The following LPAR1 variants were observed in gnomAD, a reference collection of about 807,000 sequenced individuals.
LPAR1 encodes the protein lysophosphatidic acid receptor 1, also known as LPA receptor 1.
LPAR1 carries 5 observed loss-of-function variants against 23.8 expected under a neutral mutation model. The observed-to-expected ratio is 0.21, with a 90% CI of 0.11 to 0.44. The LOEUF (loss-of-function observed/expected upper bound fraction) is 0.44, where lower values mean the gene tolerates loss of function less well. Among genes scored for constraint, LPAR1 ranks in the 20% least tolerant of loss-of-function variants. LPAR1 has a pLI of 0.99. For synonymous variants in LPAR1, 160 were observed against 164.7 expected (o/e 0.97, Z 0.22); for missense variants, 311 against 482.8 (o/e 0.64, Z 3.33).
At chr9:110,974,555 T>C (rs1321320805) in intron 2 of LPAR1, among the ~76,000 whole-genome samples, 2 of 152,218 alleles carry the variant, frequency 1.3e-5, no homozygotes, top group African/African-American at 4.8e-5. Context: ...TCAATCACTT[T>C]AGGTTCTGGC....
At chr9:110,883,562 AT>A (rs1217732086) in intron 5 of LPAR1, among the ~76,000 whole-genome samples, 3 of 152,098 alleles carry the variant, frequency 2.0e-5, no homozygotes, top group Admixed American at 2.0e-4. Flanking sequence ...AATGTCAAGA[AT>A]AAGCCCAAAC....
chr9:111,022,917 G>A (rs1046517545), intron 2 of LPAR1, among the ~76,000 whole-genome samples: 3 of 152,024 alleles, frequency 2.0e-5, no homozygotes, highest in African/African-American at 7.2e-5. Flanking sequence ...GCCGGGCATG[G>A]TGGCGGGTGC....
intron 5 of LPAR1, among the ~76,000 whole-genome samples, chr9:110,907,608 A>G (rs556563359): frequency 1.2e-4 from 18 of 152,242 alleles, no homozygotes; most frequent in African/African-American, 4.3e-4. Flanking sequence ...TGACATTCAC[A>G]TGTCTGGACA....
chr9:110,931,921 G>A (rs528564563), intron 5 of LPAR1, among the ~76,000 whole-genome samples: 1 of 152,260 alleles, frequency 6.6e-6, no homozygotes, highest in South Asian at 2.1e-4. Context: ...TTTGGTTACT[G>A]TAGCCTTGTA....
intron 2 of LPAR1, among the ~76,000 whole-genome samples, chr9:110,995,641 G>A (rs1219663199): frequency 6.6e-6 from 1 of 152,136 alleles, no homozygotes; most frequent in Admixed American, 6.5e-5. Flanking sequence ...AGTCACATAC[G>A]TGATTTTACC....
At chr9:110,919,686 T>C (rs1480296977) in intron 5 of LPAR1, among the ~76,000 whole-genome samples, 1 of 152,210 alleles carries the variant, frequency 6.6e-6, no homozygotes, top group Non-Finnish European at 1.5e-5. Flanking sequence ...ATGTTCCAGA[T>C]ACTTAAACTA....
intron 5 of LPAR1, among the ~76,000 whole-genome samples, chr9:110,906,964 TC>T (rs879588760): frequency 0.037 from 5,679 of 152,252 alleles, 172 homozygotes; most frequent in Non-Finnish European, 0.047. Flanking sequence ...ACATTTTAAT[TC>T]TGTAACTTAA....
At chr9:110,959,281 T>TGGAAGGAA (rs1295654392) in intron 4 of LPAR1, among the ~76,000 whole-genome samples, 24 of 135,330 alleles carry the variant, frequency 1.8e-4, no homozygotes, top group African/African-American at 6.2e-4. Context: ...AAGGTAAGGA[T>TGGAAGGAA]GGAAGGAAGG....
intron 5 of LPAR1, among the ~76,000 whole-genome samples, chr9:110,902,778 G>A (rs541076132): frequency 6.6e-4 from 101 of 152,286 alleles, no homozygotes; most frequent in African/African-American, 2.4e-3. Context: ...TTTCCTTGGA[G>A]AGAGGGGCAG....
intron 2 of LPAR1, among the ~76,000 whole-genome samples, chr9:110,986,502 T>G (rs1296548931): frequency 6.6e-6 from 1 of 151,772 alleles, no homozygotes; most frequent in Non-Finnish European, 1.5e-5. Flanking sequence ...CCCAGGAGTT[T>G]GAGACCAGCC....
intron 2 of LPAR1, among the ~76,000 whole-genome samples, chr9:111,031,977 CTAA>C (rs1223605216): frequency 6.6e-6 from 1 of 152,140 alleles, no homozygotes; most frequent in African/African-American, 2.4e-5. Context: ...ACTTCTCTTA[CTAA>C]TGTCATATGA....
At chr9:111,015,311 C>G (rs955185824) in intron 2 of LPAR1, among the ~76,000 whole-genome samples, 11 of 152,140 alleles carry the variant, frequency 7.2e-5, no homozygotes, top group South Asian at 2.1e-4. Context: ...CATTCACTAT[C>G]ACTCCTCCCC....
chr9:111,027,885 CAAAAAAAAAAAA>C (rs10594862), intron 2 of LPAR1, among the ~76,000 whole-genome samples: 1 of 56,666 alleles, frequency 1.8e-5, no homozygotes, highest in Non-Finnish European at 3.1e-5. Context: ...CACAAGTCCT[CAAAAAAAAAAAA>C]AAAAAAAAAA....
At chr9:110,928,312 T>C (rs1001329560) in intron 5 of LPAR1, among the ~76,000 whole-genome samples, 2 of 152,182 alleles carry the variant, frequency 1.3e-5, no homozygotes, top group African/African-American at 4.8e-5. Context: ...CTAATTTAGA[T>C]TGAACTGAAG....
intron 5 of LPAR1, among the ~76,000 whole-genome samples, chr9:110,885,905 A>C (rs147820677): frequency 0.021 from 3,127 of 151,680 alleles, 93 homozygotes; most frequent in African/African-American, 0.067. Context: ...TCTACTAAAA[A>C]TACAAAATTA....
rs527458637 is a variant in LPAR1 at position 110,924,745 on chromosome 9, T to A, written c.793+16676A>T. Among the ~76,000 whole-genome samples, 455 of 152,310 alleles carry A rather than the reference T, an allele frequency of 3.0e-3. 4 individuals are homozygous for A. The highest frequency in any genetic ancestry group is 1.4e-3 in the Non-Finnish European group (93 of 68,028). On this transcript the variant is annotated intron_variant, in intron 5 of 5. Transcript: ENST00000683809. ...AACAAGGTAAATGCAGTCTAATACT[T>A]CATTCCCTAAACATCACCTGTATGT...
At chr9:110,980,023 G>C (rs1436446599) in intron 2 of LPAR1, among the ~76,000 whole-genome samples, 2 of 151,904 alleles carry the variant, frequency 1.3e-5, no homozygotes, top group African/African-American at 4.8e-5. Context: ...TGCAGAAGAG[G>C]AAAAGGATTC....
At chr9:110,920,245 A>G (rs2805387) in intron 5 of LPAR1, among the ~76,000 whole-genome samples, 50,407 of 152,116 alleles carry the variant, frequency 0.33, 9,573 homozygotes, top group Non-Finnish European at 0.43. Context: ...GGAAAAGTAG[A>G]GAATGGGGGG....
intron 5 of LPAR1, among the ~76,000 whole-genome samples, chr9:110,928,636 G>A (rs1445685617): frequency 6.6e-6 from 1 of 152,138 alleles, no homozygotes; most frequent in South Asian, 2.1e-4. Context: ...ACCTTTTAAA[G>A]AATGTCTAAA....
Sources: allele counts gnomAD v4.1 joint callset (sites outside exome capture counted in the v4.1 genomes callset), GRCh38; gene constraint gnomAD v4.1.1; transcripts MANE v1.5; gene names NCBI Gene and HGNC (gene_info 2026-07-23, HGNC 2026-07-21).